FRMPD2: variants seen among roughly 807,000 people sequenced by gnomAD.
FRMPD2 encodes the protein FERM and PDZ domain containing 2.
A neutral mutation model predicts 140.1 loss-of-function variants in FRMPD2; 96 were observed. The ratio of observed to expected loss-of-function variants is 0.69; its 90% CI spans 0.58 to 0.81. The LOEUF (loss-of-function observed/expected upper bound fraction) is 0.81, where lower values mean the gene tolerates loss of function less well. Among genes scored for constraint, FRMPD2 ranks in the 40% least tolerant of loss-of-function variants. FRMPD2 has a pLI of 0.00. For missense variants in FRMPD2, 1,240 were observed against 1,447.4 expected (o/e 0.86, Z 2.32); for synonymous variants, 449 against 547.6 (o/e 0.82, Z 2.52).
chr10:48,226,842 T>C (rs1839733238), intron 10 of FRMPD2, among the ~76,000 whole-genome samples: 1 of 152,266 alleles, frequency 6.6e-6, no homozygotes, highest in Non-Finnish European at 1.5e-5. Context: ...TATTATGCTT[T>C]TCTCCTGTTG....
At chr10:48,172,794 G>A (rs1838295725) in intron 25 of FRMPD2, 152 bp downstream of exon 25, 1 of 738,228 alleles carries the variant, frequency 1.4e-6, no homozygotes, top group African/African-American at 1.7e-5. Context: ...GGCTTCCATG[G>A]CATGAAAAAG....
At chr10:48,194,999 G>T (rs1011622898) in intron 15 of FRMPD2, among the ~76,000 whole-genome samples, 3 of 152,232 alleles carry the variant, frequency 2.0e-5, no homozygotes, top group African/African-American at 7.2e-5. Flanking sequence ...GTGACTCATA[G>T]CATAATTGTG....
intron 5 of FRMPD2, among the ~76,000 whole-genome samples, chr10:48,241,639 G>A (rs537234302): frequency 2.6e-5 from 4 of 152,298 alleles, no homozygotes; most frequent in African/African-American, 9.6e-5. Context: ...TAAGCCAAAT[G>A]CCTCCCATGT....
intron 1 of FRMPD2, among the ~76,000 whole-genome samples, chr10:48,266,840 C>T (rs1350506035): frequency 6.6e-6 from 1 of 152,230 alleles, no homozygotes; most frequent in Non-Finnish European, 1.5e-5. Flanking sequence ...AAGAGAGGGT[C>T]AGTACTTTTA....
chr10:48,222,126 GTGGATGGATGGATGGA>G (rs148237970), intron 12 of FRMPD2, among the ~76,000 whole-genome samples, 171 bp downstream of exon 12: 27 of 144,126 alleles, frequency 1.9e-4, no homozygotes, highest in East Asian at 6.4e-4. Context: ...CAATGAATAG[GTGGATGGATGGATGGA>G]TGGATGGATG....
chr10:48,184,716 G>A, intron 19 of FRMPD2, 34 bp from the exon 20 acceptor site: 1 of 1,592,292 alleles, frequency 6.3e-7, no homozygotes, highest in Non-Finnish European at 8.6e-7. Flanking sequence ...AATCCTTCAA[G>A]GAAATAAAAA....
At position 48,232,350 on chromosome 10, in the gene FRMPD2, GC is replaced by G. The variant is rs1301573776; in HGVS notation, c.994-62del. ...ATAAGTCATTGAGCCTTTAGTGTGT[GC>G]TGGTTACTGTACTAAGCACTTTACA... On this transcript the variant is annotated intron_variant, in intron 9 of 28. Transcript: ENST00000374201. 7 of 1,257,138 alleles carry G rather than the reference GC, an allele frequency of 5.6e-6. No individual in the cohort carries two copies. In the African/African-American group the frequency reaches 7.6e-5, roughly 14 times the overall value. 77.9% of individuals were successfully genotyped at this position (1,257,138 alleles called of 1,614,324 possible).
chr10:48,163,350 A>C lies in FRMPD2; in HGVS notation c.3859T>G (p.Cys1287Gly), dbSNP rs76617887. ...KDVRQNCYSVCDIMRLGRYSF... is the reference protein window; with the variant it reads ...KDVRQNCYSVGDIMRLGRYSF... ...TACCTTCCAAGTCTCATGATATCAC[A>C]AACTGAATAGCAGTTTTGCCTCACA... The change falls in exon 28 of 29, where the codon TGT becomes GGT. Residue 1287 changes from cysteine (C) to glycine (G), a missense_variant. Coordinates refer to ENST00000374201, the MANE Select transcript of FRMPD2 (RefSeq NM_001018071.4). 540 of 1,039,252 alleles carry C rather than the reference A, an allele frequency of 5.2e-4. 18 individuals are homozygous for C. The African/African-American group carries it at 7.7e-3, about 15-fold the overall frequency. 64.4% of individuals were successfully genotyped at this position (1,039,252 alleles called of 1,614,324 possible).
intron 28 of FRMPD2, among the ~76,000 whole-genome samples, chr10:48,162,952 T>C (rs1433760535): frequency 7.0e-6 from 1 of 143,692 alleles, no homozygotes; most frequent in Admixed American, 6.9e-5. Flanking sequence ...CTGATGTTGA[T>C]AATAAAGCAT....
intron 1 of FRMPD2, among the ~76,000 whole-genome samples, chr10:48,261,297 AG>A: frequency 6.6e-6 from 1 of 152,224 alleles, no homozygotes; most frequent in Middle Eastern, 3.4e-3. Context: ...AAGCTTGGAA[AG>A]CATCAAGCAA....
At chr10:48,266,472 G>A (rs1308606930) in intron 1 of FRMPD2, among the ~76,000 whole-genome samples, 3 of 152,218 alleles carry the variant, frequency 2.0e-5, no homozygotes, top group Middle Eastern at 3.2e-3. Context: ...TCAAGACAAT[G>A]TGATGTTGGT....
In FRMPD2 at chr10:48,187,239, A is replaced by G; in HGVS notation, c.2219T>C (p.Met740Thr). Reference protein sequence around the residue: ...LKSACVIQKPMTWDSLSGPPV... With the variant: ...LKSACVIQKPTTWDSLSGPPV... ...TGGTCCAGAGAGAGAGTCCCAGGTC[A>G]TTGGCTTCTGGATCACACAGGCACT... is the stretch of plus-strand genomic sequence containing the variant. Residue 740 changes from methionine to threonine, a missense_variant, in exon 17 of 29, where the codon ATG becomes ACG. By Grantham distance (81) the Met-to-Thr change is moderately conservative. This residue lies in a region of FRMPD2 where 1,161 missense variants were observed against 1,055.9 expected (regional missense o/e 1.10). Transcript: ENST00000374201. 3 of 1,614,124 alleles carry G rather than the reference A, an allele frequency of 1.9e-6. No individual in the cohort carries two copies. The highest frequency in any genetic ancestry group is 2.5e-6 in the Non-Finnish European group (3 of 1,179,992).
chr10:48,219,710 C>T (rs755318760), intron 12 of FRMPD2, among the ~76,000 whole-genome samples: 29 of 152,180 alleles, frequency 1.9e-4, no homozygotes, highest in Non-Finnish European at 2.9e-5. Context: ...CATAATCCTT[C>T]CCTATTAATA....
At chr10:48,258,878 A>T (rs1250510533) in intron 1 of FRMPD2, among the ~76,000 whole-genome samples, 1 of 152,252 alleles carries the variant, frequency 6.6e-6, no homozygotes, top group African/African-American at 2.4e-5. Flanking sequence ...TAACTATTTT[A>T]TAAAAATTAT....
In FRMPD2 at chr10:48,187,176, GTGGCC is replaced by G; in HGVS notation, c.2266+11_2266+15del. ...GGGTTCCTCCACCCAAGACCTGGTC[GTGGCC>G]TGGCCCATACCTGCATGCATGCTCT... On this transcript the variant is annotated intron_variant, in intron 17 of 28. Transcript: ENST00000374201. 6.3e-7 allele frequency: 1 copy of G among 1,594,632 alleles called. No homozygotes were observed. The highest frequency in any genetic ancestry group is 1.3e-5 in the African/African-American group (1 of 74,578).
intron 13 of FRMPD2, among the ~76,000 whole-genome samples, chr10:48,211,037 T>A (rs1839308087): frequency 6.6e-6 from 1 of 152,238 alleles, no homozygotes; most frequent in Non-Finnish European, 1.5e-5. Context: ...GGTCCCCACA[T>A]CTTGACATAG....
At chr10:48,179,889 A>C (rs540915708) in intron 21 of FRMPD2, among the ~76,000 whole-genome samples, 2 of 152,318 alleles carry the variant, frequency 1.3e-5, no homozygotes, top group East Asian at 3.9e-4. Context: ...GTCGTGGGAG[A>C]CCTGTTTTCA....
At position 48,227,449 on chromosome 10, in the gene FRMPD2, A is replaced by G. The variant is rs560015033; in HGVS notation, c.1169-4179T>C. Among the ~76,000 whole-genome samples the G allele has an allele frequency of 3.9e-5, 6 of 152,306 alleles. No individual in the cohort carries two copies. The South Asian group carries it at 1.2e-3, about 32-fold the overall frequency. On this transcript the variant is annotated intron_variant, in intron 10 of 28. Transcript: ENST00000374201. ...AACATGAAGCATCTCCTTGTCCCAG[A>G]GTGCCAGCTCCCAGGGGAATTTGTC...
chr10:48,240,844 C>T (rs967968721), intron 5 of FRMPD2, among the ~76,000 whole-genome samples: 1 of 152,220 alleles, frequency 6.6e-6, no homozygotes, highest in Non-Finnish European at 1.5e-5. Flanking sequence ...GATCACCTTC[C>T]CTTATCACTG....
Sources: allele counts gnomAD v4.1 joint callset (sites outside exome capture counted in the v4.1 genomes callset), GRCh38; gene constraint gnomAD v4.1.1; regional missense constraint gnomAD v4.1.1; transcripts MANE v1.5; gene names NCBI Gene and HGNC (gene_info 2026-07-23, HGNC 2026-07-21).